Variants in RHOBTB1 observed in about 807,000 individuals in gnomAD.
The protein encoded by RHOBTB1 is Rho related BTB domain containing 1.
RHOBTB1 carries 40 observed loss-of-function variants against 71.6 expected under a neutral mutation model. The ratio of observed to expected loss-of-function variants is 0.56; its 90% CI spans 0.43 to 0.73. RHOBTB1 has a LOEUF of 0.73. Among genes scored for constraint, RHOBTB1 ranks in the 30% least tolerant of loss-of-function variants. The pLI, the probability that RHOBTB1 is intolerant of heterozygous loss-of-function variation, is 0.00. For synonymous variants in RHOBTB1, 319 were observed against 334.9 expected, an observed-to-expected ratio of 0.95 and a Z score of 0.52; for missense variants, 797 against 894.0, an observed-to-expected ratio of 0.89 and a Z score of 1.38.
chr10:60,892,763 A>G, intron 5 of RHOBTB1, 47 bp downstream of exon 5: 4 of 1,542,666 alleles, frequency 2.6e-6, no homozygotes, highest in Non-Finnish European at 3.5e-6. Flanking sequence ...GCTGCCTGTA[A>G]ATTTTAACTT....
At chr10:60,929,519 C>A (rs527770514) in intron 2 of RHOBTB1, among the ~76,000 whole-genome samples, 54 of 151,946 alleles carry the variant, frequency 3.6e-4, no homozygotes, top group Middle Eastern at 3.4e-3. Context: ...ATACTAAAAA[C>A]AAACAAACAA....
rs777227897 is a variant in RHOBTB1 at position 60,871,184 on chromosome 10, T to G, written c.*298A>C. The G allele has an allele frequency of 7.8e-6, 2 of 257,698 alleles. No homozygotes were observed. Among genetic ancestry groups the G allele is most frequent in the African/African-American group, 2.2e-5 (1 of 45,198 alleles). The allele number at this position is 257,698 out of a possible 1,614,324, so 16.0% of individuals were successfully genotyped here. A position where few individuals can be genotyped will look rare whatever the true frequency, so the allele number is the denominator to read the frequency against. Reference sequence around the variant, plus strand: ...AACATGAAAGCTGAATTTTTTTTCTTTGTATAAAAAGAAACAAAATAACAG... The same window carrying G: ...AACATGAAAGCTGAATTTTTTTTCTGTGTATAAAAAGAAACAAAATAACAG... On this transcript the variant is annotated 3_prime_UTR_variant, in exon 11 of 11. Transcript: ENST00000337910.
At chr10:60,909,869 C>A (rs547348836) in intron 4 of RHOBTB1, among the ~76,000 whole-genome samples, 76 of 152,194 alleles carry the variant, frequency 5.0e-4, no homozygotes, top group African/African-American at 1.6e-3. Flanking sequence ...TGAAATAATT[C>A]CTGGGAATAG....
intron 7 of RHOBTB1, among the ~76,000 whole-genome samples, chr10:60,883,834 C>A (rs1213588413): frequency 6.6e-6 from 1 of 152,174 alleles, no homozygotes; most frequent in Non-Finnish European, 1.5e-5. Flanking sequence ...GATCAGGATA[C>A]TAGAGCCAAG....
rs1367779327 is a variant in RHOBTB1 at position 60,886,130 on chromosome 10, C to T, written c.1557G>A (p.Val519=). 1.2e-6 allele frequency: 2 copies of T among 1,613,870 alleles called. No individual in the cohort carries two copies. The highest frequency in any genetic ancestry group is 2.2e-5 in the East Asian group (1 of 44,884). Residue 519 remains valine (V), a synonymous_variant, in exon 7 of 11, where the codon GTG becomes GTA. Coordinates refer to ENST00000337910, the MANE Select transcript of RHOBTB1 (RefSeq NM_014836.5). ...CACGTACCTCACTGTTGGCACTTTC[C>T]ACAAATGACCCCCCGAACATGGCTG... ...WMAAMFGGSF[V]ESANSEVYLP...
intron 1 of RHOBTB1, among the ~76,000 whole-genome samples, chr10:60,942,545 G>C (rs182072394): frequency 6.6e-5 from 10 of 152,294 alleles, no homozygotes; most frequent in Admixed American, 5.2e-4. Flanking sequence ...TATGATTCAG[G>C]AATCTCAGAG....
At chr10:60,930,271 C>A (rs1279885300) in intron 2 of RHOBTB1, among the ~76,000 whole-genome samples, 1 of 152,144 alleles carries the variant, frequency 6.6e-6, no homozygotes, top group Non-Finnish European at 1.5e-5. Context: ...CCTCTATATT[C>A]TTATCTGTGA....
At chr10:60,867,483 G>A (rs924437451), downstream of RHOBTB1, among the ~76,000 whole-genome samples, 2 of 152,172 alleles carry the variant, frequency 1.3e-5, no homozygotes, top group East Asian at 1.9e-4. Context: ...AATCCATGTC[G>A]CTGTGGAAAC....
intron 2 of RHOBTB1, among the ~76,000 whole-genome samples, chr10:60,963,162 A>T (rs1033882578): frequency 3.9e-5 from 6 of 152,152 alleles, no homozygotes; most frequent in Non-Finnish European, 8.8e-5. Flanking sequence ...TATGGCAGGA[A>T]TGTTCTCAAA....
intron 2 of RHOBTB1, among the ~76,000 whole-genome samples, chr10:60,978,507 G>C (rs74868809): frequency 0.047 from 7,114 of 152,186 alleles, 570 homozygotes; most frequent in African/African-American, 0.16. Context: ...TTGGGAGAGA[G>C]AGTGGGTATG....
chr10:60,948,766 T>C (rs549020793), upstream of RHOBTB1, among the ~76,000 whole-genome samples: 9 of 152,220 alleles, frequency 5.9e-5, no homozygotes, highest in Non-Finnish European at 1.0e-4. Flanking sequence ...TTGGAGTAGA[T>C]TCTTGCAGTT....
At chr10:60,933,180 G>A (rs1001770764) in intron 2 of RHOBTB1, among the ~76,000 whole-genome samples, 1 of 152,152 alleles carries the variant, frequency 6.6e-6, no homozygotes, top group African/African-American at 2.4e-5. Flanking sequence ...ACAATGAATA[G>A]CTTCTAGCTA....
intron 2 of RHOBTB1, among the ~76,000 whole-genome samples, chr10:60,916,513 C>T (rs1327061064): frequency 2.0e-5 from 3 of 152,192 alleles, no homozygotes; most frequent in Admixed American, 6.5e-5. Flanking sequence ...CAATAGTCAA[C>T]AGAAACATAC....
intron 1 of RHOBTB1, among the ~76,000 whole-genome samples, chr10:60,993,055 G>A (rs1225317058): frequency 3.9e-5 from 6 of 152,070 alleles, no homozygotes; most frequent in Admixed American, 6.6e-5. Context: ...CGAGGGCTTC[G>A]GGCATTTTAT....
chr10:60,864,060 T>G, the RHOBTB1 span, among the ~76,000 whole-genome samples: 1 of 152,178 alleles, frequency 6.6e-6, no homozygotes, highest in Non-Finnish European at 1.5e-5. Flanking sequence ...AAGCCTCCTC[T>G]ATGGCATAGT....
intron 4 of RHOBTB1, among the ~76,000 whole-genome samples, chr10:60,894,834 C>G (rs1164754976): frequency 6.6e-6 from 1 of 152,202 alleles, no homozygotes; most frequent in Non-Finnish European, 1.5e-5. Flanking sequence ...TATTAAGACA[C>G]ATGGCTCTAA....
intron 2 of RHOBTB1, among the ~76,000 whole-genome samples, chr10:60,929,533 G>T (rs117909908): frequency 2.0e-5 from 3 of 151,926 alleles, no homozygotes; most frequent in Admixed American, 6.6e-5. Context: ...CAAACAAAAG[G>T]TACCCAGGCT....
chr10:60,922,656 G>C (rs2133771859), intron 2 of RHOBTB1, among the ~76,000 whole-genome samples: 1 of 152,334 alleles, frequency 6.6e-6, no homozygotes, highest in South Asian at 2.1e-4. Context: ...GAAGAGAGAA[G>C]GGTGGAGGAA....
chr10:60,876,748 G>A (rs569002667), intron 8 of RHOBTB1, among the ~76,000 whole-genome samples: 3 of 152,268 alleles, frequency 2.0e-5, no homozygotes, highest in East Asian at 1.9e-4. Flanking sequence ...GCCTCAACTC[G>A]CTCTTTCTAT....
Sources: gnomAD v4.1 joint callset for allele counts (sites outside exome capture counted in the v4.1 genomes callset) on GRCh38, gnomAD v4.1.1 for gene constraint, MANE v1.5 for transcripts, NCBI Gene and HGNC (gene_info 2026-07-23, HGNC 2026-07-21) for gene names.